Variants in ALCAM observed in about 807,000 individuals in gnomAD.
The protein encoded by ALCAM is activated leukocyte cell adhesion molecule.
A neutral mutation model predicts 70.9 loss-of-function variants in ALCAM; 30 were observed. The observed-to-expected ratio is 0.42, with a 90% CI of 0.32 to 0.57. The LOEUF (loss-of-function observed/expected upper bound fraction) is 0.57. Among genes scored for constraint, ALCAM ranks in the 20% least tolerant of loss-of-function variants. The pLI is 0.11. For synonymous variants in ALCAM, 249 were observed against 242.5 expected (o/e 1.03, Z -0.25); for missense variants, 591 against 695.1 (o/e 0.85, Z 1.68).
chr3:105,379,954 G>A (rs1417539451), intron 1 of ALCAM, among the ~76,000 whole-genome samples: 1 of 151,630 alleles, frequency 6.6e-6, no homozygotes, highest in Non-Finnish European at 1.5e-5. Context: ...GTATACTCTT[G>A]AGAAACATAC....
intron 1 of ALCAM, among the ~76,000 whole-genome samples, chr3:105,382,639 G>A (rs1203954212): frequency 1.3e-5 from 2 of 151,946 alleles, no homozygotes; most frequent in Non-Finnish European, 2.9e-5. Flanking sequence ...ATTCTAACTG[G>A]TGTGAGATGG....
intron 1 of ALCAM, among the ~76,000 whole-genome samples, chr3:105,376,366 A>G (rs1935378811): frequency 6.6e-6 from 1 of 152,178 alleles, no homozygotes; most frequent in East Asian, 1.9e-4. Context: ...GCCTAAACTC[A>G]TAGATTAAAG....
chr3:105,560,861 T>C (rs1940616785), intron 14 of ALCAM, among the ~76,000 whole-genome samples: 2 of 152,200 alleles, frequency 1.3e-5, no homozygotes, highest in African/African-American at 4.8e-5. Context: ...TGTGATAATC[T>C]TCTGGTTGTT....
chr3:105,430,590 T>C (rs540897140), intron 1 of ALCAM, among the ~76,000 whole-genome samples: 5 of 152,230 alleles, frequency 3.3e-5, no homozygotes, highest in African/African-American at 1.2e-4. Context: ...CATGATTTAC[T>C]ACTGTCCTTG....
At chr3:105,533,765 T>G (rs1465045339) in intron 5 of ALCAM, 75 bp downstream of exon 5, 1 of 1,408,820 alleles carries the variant, frequency 7.1e-7, no homozygotes, top group Non-Finnish European at 9.9e-7. Flanking sequence ...AGGTATTCTT[T>G]AAACCAGTGG....
chr3:105,376,786 G>A (rs1012084965), intron 1 of ALCAM, among the ~76,000 whole-genome samples: 2 of 152,140 alleles, frequency 1.3e-5, no homozygotes, highest in Admixed American at 1.3e-4. Flanking sequence ...GAATAATCTA[G>A]CAAAGGATGT....
chr3:105,405,013 C>T (rs1414618196), intron 1 of ALCAM, among the ~76,000 whole-genome samples: 1 of 152,032 alleles, frequency 6.6e-6, no homozygotes, highest in Non-Finnish European at 1.5e-5. Context: ...TGGGGTGGCT[C>T]ATACCTGTAA....
At chr3:105,475,584 C>T (rs955946285) in intron 1 of ALCAM, among the ~76,000 whole-genome samples, 1 of 151,974 alleles carries the variant, frequency 6.6e-6, no homozygotes, top group Non-Finnish European at 1.5e-5. Context: ...TCATCACGAA[C>T]ACATAATTTG....
At chr3:105,371,573 G>A (rs1935234169) in intron 1 of ALCAM, among the ~76,000 whole-genome samples, 2 of 148,306 alleles carry the variant, frequency 1.3e-5, no homozygotes, top group South Asian at 4.3e-4. Context: ...CACTAACCGT[G>A]GGCCTTTGTA....
In ALCAM at chr3:105,430,351, G is replaced by A. The variant is rs572475059; in HGVS notation, c.73+62870G>A. Reference sequence around the variant, plus strand: ...ATACCACTTTATGTTTAGTCATCGTGTCTCTAAGTTCTTGGCTGTCACAGT... The same window carrying A: ...ATACCACTTTATGTTTAGTCATCGTATCTCTAAGTTCTTGGCTGTCACAGT... On this transcript the variant is annotated intron_variant, in intron 1 of 15. Coordinates refer to ENST00000306107, the MANE Select transcript of ALCAM (RefSeq NM_001627.4). Among the ~76,000 whole-genome samples the A allele has an allele frequency of 2.0e-5, 3 of 151,890 alleles. No individual in the cohort carries two copies. In the South Asian group the frequency reaches 6.2e-4, roughly 32 times the overall value.
chr3:105,389,572 T>C (rs961158581), intron 1 of ALCAM, among the ~76,000 whole-genome samples: 2 of 151,498 alleles, frequency 1.3e-5, no homozygotes, highest in African/African-American at 4.8e-5. Flanking sequence ...TATTATTTTT[T>C]ATTTTTTACA....
At chr3:105,542,975 C>T (rs1022077131) in intron 8 of ALCAM, among the ~76,000 whole-genome samples, 8 of 151,678 alleles carry the variant, frequency 5.3e-5, no homozygotes, top group African/African-American at 1.9e-4. Context: ...AGTCCTGTTC[C>T]ATGAAAATAA....
chr3:105,507,171 A>T (rs1939101930), intron 1 of ALCAM, among the ~76,000 whole-genome samples: 1 of 152,112 alleles, frequency 6.6e-6, no homozygotes, highest in African/African-American at 2.4e-5. Flanking sequence ...TAGGCCCGCA[A>T]TTCCCTGCCT....
At chr3:105,528,101 A>G (rs993337668) in intron 3 of ALCAM, among the ~76,000 whole-genome samples, 1 of 152,142 alleles carries the variant, frequency 6.6e-6, no homozygotes, top group Admixed American at 6.6e-5. Flanking sequence ...CAACACGACC[A>G]TTTGCATCTG....
intron 1 of ALCAM, among the ~76,000 whole-genome samples, chr3:105,493,593 GA>G (rs148355662): frequency 6.7e-6 from 1 of 150,078 alleles, no homozygotes; most frequent in Non-Finnish European, 1.5e-5. Flanking sequence ...GGCTGGTTTT[GA>G]AAAAAAAAGG....
chr3:105,499,854 C>A (rs1293138297), intron 1 of ALCAM, among the ~76,000 whole-genome samples: 1 of 152,198 alleles, frequency 6.6e-6, no homozygotes, highest in African/African-American at 2.4e-5. Context: ...CTTCTACATT[C>A]TCTCTCACCT....
chr3:105,552,808 C>T (rs1375906641), intron 14 of ALCAM: 1 of 1,337,514 alleles, frequency 7.5e-7, no homozygotes, highest in Non-Finnish European at 9.6e-7. Flanking sequence ...GTTTATTTGT[C>T]TCAATCAATA....
At chr3:105,541,519 A>G (rs762144652) in intron 7 of ALCAM, 114 bp from the exon 8 acceptor site, 16 of 1,151,404 alleles carry the variant, frequency 1.4e-5, no homozygotes, top group Non-Finnish European at 1.9e-5. Context: ...GTGATCAATG[A>G]AACACATTCC....
intron 1 of ALCAM, among the ~76,000 whole-genome samples, chr3:105,390,808 C>T (rs189091170): frequency 2.1e-4 from 32 of 152,204 alleles, no homozygotes; most frequent in African/African-American, 5.3e-4. Flanking sequence ...TAATTTTCTG[C>T]GTATGGCTAG....
Sources: allele counts gnomAD v4.1 joint callset (sites outside exome capture counted in the v4.1 genomes callset), GRCh38; gene constraint gnomAD v4.1.1; transcripts MANE v1.5; gene names NCBI Gene and HGNC (gene_info 2026-07-23, HGNC 2026-07-21).